SLC24A2: variants seen among roughly 807,000 people sequenced by gnomAD.
SLC24A2 encodes the protein sodium/potassium/calcium exchanger 2.
Under a neutral mutation model 62.0 loss-of-function variants are expected in SLC24A2, and 36 were observed. The ratio of observed to expected loss-of-function variants is 0.58; its 90% CI spans 0.44 to 0.77. The LOEUF (loss-of-function observed/expected upper bound fraction) is 0.77. Ranked by LOEUF, SLC24A2 falls within the 30% of genes least tolerant of loss-of-function variation. SLC24A2 has a pLI of 0.00. For missense variants in SLC24A2, 846 were observed against 817.9 expected (o/e 1.03, Z -0.42); for synonymous variants, 358 against 294.0 (o/e 1.22, Z -2.23).
At chr9:19,746,162 A>G (rs957910) in intron 2 of SLC24A2, among the ~76,000 whole-genome samples, 29,739 of 151,616 alleles carry the variant, frequency 0.2, 3,201 homozygotes, top group Non-Finnish European at 0.25. Flanking sequence ...TCCTCTTTCA[A>G]TTACAGGACA....
chr9:20,186,136 C>A, the SLC24A2 span, among the ~76,000 whole-genome samples: 17 of 152,152 alleles, frequency 1.1e-4, no homozygotes, highest in African/African-American at 3.6e-4. Context: ...CCACTGTGAG[C>A]ACATAGCGTA....
the SLC24A2 span, among the ~76,000 whole-genome samples, chr9:19,980,468 G>C: frequency 2.0e-5 from 3 of 152,178 alleles, no homozygotes; most frequent in Admixed American, 6.5e-5. Context: ...GGTAGAGTTA[G>C]AGCAAGTGAG....
chr9:19,696,245 G>T (rs72702452), intron 2 of SLC24A2, among the ~76,000 whole-genome samples: 28,375 of 152,068 alleles, frequency 0.19, 2,864 homozygotes, highest in Middle Eastern at 0.23. Context: ...CCCCAACCTC[G>T]GTCTGTGGAA....
chr9:19,685,334 C>T (rs1167159819), intron 2 of SLC24A2, among the ~76,000 whole-genome samples: 1 of 152,068 alleles, frequency 6.6e-6, no homozygotes, highest in Non-Finnish European at 1.5e-5. Context: ...GGCCATACTG[C>T]CCAAAGCAAT....
At chr9:19,884,942 A>T in the SLC24A2 span, among the ~76,000 whole-genome samples, 62,368 of 151,904 alleles carry the variant, frequency 0.41, 13,372 homozygotes, top group East Asian at 0.84. Flanking sequence ...TATTGGGATA[A>T]AACCACACGG....
At chr9:19,560,801 CCT>C (rs1173916027) in intron 7 of SLC24A2, among the ~76,000 whole-genome samples, 2 of 151,472 alleles carry the variant, frequency 1.3e-5, no homozygotes, top group East Asian at 3.9e-4. Context: ...TTAAATTGTC[CCT>C]TTTTTCCACT....
chr9:20,119,820 T>A, the SLC24A2 span, among the ~76,000 whole-genome samples: 2 of 152,224 alleles, frequency 1.3e-5, no homozygotes, highest in Non-Finnish European at 2.9e-5. Context: ...AAACTGTGTT[T>A]ATTCAGAGAC....
At chr9:20,067,051 A>T in the SLC24A2 span, among the ~76,000 whole-genome samples, 1 of 152,192 alleles carries the variant, frequency 6.6e-6, no homozygotes, top group South Asian at 2.1e-4. Context: ...CTCAGGAAAC[A>T]ATTTGTTCTA....
rs768881798 is a variant in SLC24A2 at position 19,636,281 on chromosome 9, C to CTTTTCTT, written c.931-13983_931-13982insAAGAAAA. Among the ~76,000 whole-genome samples, 263 of 74,146 alleles carry CTTTTCTT rather than the reference C, an allele frequency of 3.5e-3. 37 individuals are homozygous for CTTTTCTT. The highest frequency in any genetic ancestry group is 8.1e-3 in the Middle Eastern group (1 of 124). The allele number at this position is 74,146 out of a possible 152,430, so 48.6% of individuals were successfully genotyped here. ...TTTTCTTTTCTTCTCTTCTTCTCTT[C>CTTTTCTT]TTCTCTTCTTTTCTTTTCTTTTCTT... On this transcript the variant is annotated intron_variant, in intron 2 of 10. Coordinates refer to ENST00000341998, the MANE Select transcript of SLC24A2 (RefSeq NM_020344.4).
At chr9:20,110,984 T>C in the SLC24A2 span, among the ~76,000 whole-genome samples, 3 of 152,214 alleles carry the variant, frequency 2.0e-5, no homozygotes, top group African/African-American at 4.8e-5. Context: ...TAGCATCTTA[T>C]AAATATACTT....
At chr9:20,124,253 T>A in the SLC24A2 span, among the ~76,000 whole-genome samples, 1 of 151,104 alleles carries the variant, frequency 6.6e-6, no homozygotes, top group South Asian at 2.1e-4. Context: ...TTGATTATAG[T>A]AGGAAAGGGA....
At chr9:19,689,245 G>A (rs1819972853) in intron 2 of SLC24A2, among the ~76,000 whole-genome samples, 2 of 152,080 alleles carry the variant, frequency 1.3e-5, no homozygotes, top group African/African-American at 4.8e-5. Context: ...GAGAAGTGTA[G>A]TGGTTACACC....
the SLC24A2 span, among the ~76,000 whole-genome samples, chr9:20,046,921 T>C: frequency 6.6e-6 from 1 of 152,218 alleles, no homozygotes; most frequent in South Asian, 2.1e-4. Flanking sequence ...CAGGATTCTT[T>C]TTTTTCCCTT....
At chr9:20,149,160 C>T in the SLC24A2 span, among the ~76,000 whole-genome samples, 1 of 151,958 alleles carries the variant, frequency 6.6e-6, no homozygotes, top group Non-Finnish European at 1.5e-5. Flanking sequence ...TGGTGAGAAA[C>T]TCATCTAGTC....
the SLC24A2 span, among the ~76,000 whole-genome samples, chr9:20,252,975 A>G: frequency 6.6e-6 from 1 of 152,190 alleles, no homozygotes; most frequent in Non-Finnish European, 1.5e-5. Context: ...TAATCTCATC[A>G]ACTAATTTGC....
the SLC24A2 span, among the ~76,000 whole-genome samples, chr9:19,974,198 C>G: frequency 7.9e-5 from 12 of 152,042 alleles, no homozygotes; most frequent in Middle Eastern, 3.2e-3. Flanking sequence ...TAATTATATA[C>G]AATTACTACT....
At chr9:19,573,549 G>GAC (rs1835914587) in intron 6 of SLC24A2, 80 bp from the exon 7 acceptor site, 9 of 857,568 alleles carry the variant, frequency 1.0e-5, no homozygotes, top group Admixed American at 3.5e-5. Context: ...GAGAGAGAGA[G>GAC]AGAGAAAGCA....
At chr9:19,729,788 G>C (rs936584571) in intron 2 of SLC24A2, among the ~76,000 whole-genome samples, 1 of 152,112 alleles carries the variant, frequency 6.6e-6, no homozygotes, top group Admixed American at 6.6e-5. Flanking sequence ...CCTGGAATAA[G>C]TTCTAGTGCT....
the SLC24A2 span, among the ~76,000 whole-genome samples, chr9:19,865,314 AC>A: frequency 6.6e-6 from 1 of 152,176 alleles, no homozygotes; most frequent in Non-Finnish European, 1.5e-5. Flanking sequence ...AACATTCTTC[AC>A]AGAAATAGAA....
Sources: allele counts gnomAD v4.1 joint callset (sites outside exome capture counted in the v4.1 genomes callset), GRCh38; gene constraint gnomAD v4.1.1; transcripts MANE v1.5; gene names NCBI Gene and HGNC (gene_info 2026-07-23, HGNC 2026-07-21).